The following DHX38 variants were observed in gnomAD, a reference collection of about 807,000 sequenced individuals.
The protein encoded by DHX38 is pre-mRNA-splicing factor ATP-dependent RNA helicase PRP16.
Under a neutral mutation model 153.1 loss-of-function variants are expected in DHX38, and 100 were observed. That is an observed-to-expected ratio of 0.65 (90% CI 0.56 to 0.77). The LOEUF (loss-of-function observed/expected upper bound fraction) is 0.77, where lower values mean the gene tolerates loss of function less well. Among genes scored for constraint, DHX38 ranks in the 30% least tolerant of loss-of-function variants. The probability of loss-of-function intolerance (pLI) is 0.00; values close to 1 mark genes in which losing one functional copy is unlikely to be tolerated. For synonymous variants in DHX38, 650 were observed against 631.7 expected (o/e 1.03, Z -0.43); for missense variants, 1,440 against 1,654.0 (o/e 0.87, Z 2.24).
rs1300221457 is a variant in DHX38, at chr16:72,099,214, G to A, written c.894G>A (p.Glu298=). ...CCTGTGCTCCTCCAGGAAGACGTGA[G>A]GAGGGCGAAGAAGGAATTTCATTTG... ...PRLSRGRGRR[E]EGEEGISFDT... Residue 298 remains glutamate, a synonymous_variant, in exon 7 of 27, where the codon GAG becomes GAA. Transcript: ENST00000268482. The A allele has an allele frequency of 6.2e-7, 1 of 1,611,750 alleles. No individual in the cohort carries two copies. The highest frequency in any genetic ancestry group is 1.7e-5 in the Admixed American group (1 of 59,870).
Position 72,108,926 on chromosome 16 carries a change from G to T in DHX38, c.3381+1G>T. On this transcript the variant is annotated splice_donor_variant, in intron 24 of 26. Coordinates refer to ENST00000268482, the MANE Select transcript of DHX38 (RefSeq NM_014003.4). LOFTEE classifies it high-confidence loss of function. ...TCACGAGTTGGTCATGACCACCAAG[G>T]TGAGTCTTTTCCAAGGCACTTGCAT... The T allele has an allele frequency of 6.3e-7, 1 of 1,598,170 alleles. No individual in the cohort carries two copies. The highest frequency in any genetic ancestry group is 8.5e-7 in the Non-Finnish European group (1 of 1,172,196).
chr16:72,112,160 T>A (rs1056956759), intron 26 of DHX38: 15 of 524,682 alleles, frequency 2.9e-5, no homozygotes, highest in Non-Finnish European at 4.1e-5. Context: ...CTTTTGTAGC[T>A]CCCCTAGGGA....
chr16:72,109,920 T>C (rs1311026084), intron 25 of DHX38, among the ~76,000 whole-genome samples: 4 of 152,218 alleles, frequency 2.6e-5, no homozygotes, highest in African/African-American at 9.6e-5. Flanking sequence ...TACTTGAGTA[T>C]GTGTCTCTGA....
At chr16:72,105,654 G>A (rs1216521452) in intron 18 of DHX38, 30 bp downstream of exon 18, 7 of 1,609,364 alleles carry the variant, frequency 4.3e-6, no homozygotes, top group Non-Finnish European at 6.0e-6. Flanking sequence ...GCAAGGCCTG[G>A]GTGTTCACCA....
At position 72,111,075 on chromosome 16, in the gene DHX38, C is replaced by T. The variant is rs1284755593; in HGVS notation, c.3597C>T (p.Val1199=). 3.8e-6 allele frequency: 6 copies of T among 1,560,144 alleles called. No individual in the cohort carries two copies. The highest frequency in any genetic ancestry group is 5.2e-6 in the Non-Finnish European group (6 of 1,152,642). ...EQEKRSPLGS[V]RSTKIYTPGR... ...AGAAGCGCAGCCCCCTGGGCAGTGTCAGGTGAGCTCCGGCCTTCGGGCTCT... is the reference window on the plus strand; with the variant it reads ...AGAAGCGCAGCCCCCTGGGCAGTGTTAGGTGAGCTCCGGCCTTCGGGCTCT... The change falls in exon 26 of 27, where the codon GTC becomes GTT. Residue 1199 remains valine, a splice_region_variant and synonymous_variant. Transcript: ENST00000268482.
At position 72,105,278 on chromosome 16, in the gene DHX38, C is replaced by T. The variant is rs755907524; in HGVS notation, c.2309C>T (p.Ala770Val). 7.4e-6 allele frequency: 12 copies of T among 1,614,054 alleles called. No individual in the cohort carries two copies. The highest frequency in any genetic ancestry group is 6.7e-5 in the African/African-American group (5 of 74,922). The change falls in exon 17 of 27, where the codon GCG (alanine) becomes GTG (valine). Residue 770 changes from alanine to valine, a missense_variant. Transcript: ENST00000268482. ...IVEHLEELEN[A>V]PALAVLPIYS... ...GAGCATCTGGAGGAACTGGAGAACG[C>T]GCCTGCCCTGGCTGTGCTGCCCATC...
rs566795330 is a variant in DHX38, at chr16:72,110,576, G to A, written c.3478-380G>A. Reference sequence around the variant, plus strand: ...GCTGGGCTTTGGCTTACCCCTTTTCGTAGCATAATTCTCCCCATACCAGGC... The same window carrying A: ...GCTGGGCTTTGGCTTACCCCTTTTCATAGCATAATTCTCCCCATACCAGGC... On this transcript the variant is annotated intron_variant, in intron 25 of 26. Coordinates refer to ENST00000268482, the MANE Select transcript of DHX38 (RefSeq NM_014003.4). Among the ~76,000 whole-genome samples, 4 of 152,252 alleles carry A rather than the reference G, an allele frequency of 2.6e-5. No homozygotes were observed. The South Asian group carries it at 6.2e-4, about 24-fold the overall frequency.
intron 22 of DHX38, 44 bp downstream of exon 22, chr16:72,108,426 G>C: frequency 6.2e-7 from 1 of 1,613,628 alleles, no homozygotes; most frequent in Non-Finnish European, 8.5e-7. Context: ...GGGGAGGGTC[G>C]AGAGGAAAGG....
At chr16:72,096,696 A>C (rs771333156) in intron 2 of DHX38, 126 bp from the exon 3 acceptor site, 75 of 1,489,620 alleles carry the variant, frequency 5.0e-5, no homozygotes, top group Non-Finnish European at 6.5e-5. Context: ...TTGTTGCCAT[A>C]TGTGAGCCTG....
chr16:72,100,350 G>C, intron 8 of DHX38, 86 bp from the exon 9 acceptor site: 4 of 1,515,120 alleles, frequency 2.6e-6, no homozygotes, highest in Non-Finnish European at 3.6e-6. Flanking sequence ...CTTCTGTCAG[G>C]ACTTGATGTG....
At position 72,109,558 on chromosome 16, in the gene DHX38, G is replaced by A. The variant is rs149250357; in HGVS notation, c.3477+48G>A. The A allele has an allele frequency of 1.0e-4, 157 of 1,561,392 alleles. No homozygotes were observed. The African/African-American group carries it at 1.5e-3, about 15-fold the overall frequency. On this transcript the variant is annotated intron_variant, in intron 25 of 26. Transcript: ENST00000268482. ...AGGGGTGCTGTTTGCCTGTGGGGTCGGTGTTCCCTCCGCTTGGTATTGAAG... is the reference window on the plus strand; with the variant it reads ...AGGGGTGCTGTTTGCCTGTGGGGTCAGTGTTCCCTCCGCTTGGTATTGAAG...
Position 72,112,469 on chromosome 16 carries a change from G to A in DHX38, c.3656G>A (p.Arg1219His), listed in dbSNP as rs577985660. Residue 1219 changes from arginine (R) to histidine (H), a missense_variant, in exon 27 of 27, where the codon CGC (arginine) becomes CAC (histidine). By Grantham distance (29) the Arg-to-His change is conservative. This residue lies in a region of DHX38 where 75 missense variants were observed against 69.5 expected (regional missense o/e 1.08). Coordinates refer to ENST00000268482, the MANE Select transcript of DHX38 (RefSeq NM_014003.4). ...RKEQGEPMTPRRTPARFGL is the reference protein window; with the variant it reads ...RKEQGEPMTPHRTPARFGL ...GAGCAAGGGGAGCCCATGACCCCTC[G>A]CCGCACGCCAGCCCGCTTTGGTCTG... 6.8e-6 allele frequency: 11 copies of A among 1,612,106 alleles called. No individual in the cohort carries two copies. The highest frequency in any genetic ancestry group is 1.7e-5 in the Admixed American group (1 of 60,030).
At chr16:72,100,029 A>G in intron 8 of DHX38, 142 bp downstream of exon 8, 2 of 1,168,898 alleles carry the variant, frequency 1.7e-6, no homozygotes, top group Non-Finnish European at 2.4e-6. Flanking sequence ...GTGGAAGAGG[A>G]GTGGGTGATG....
At chr16:72,095,562 CTG>C (rs1268119178) in intron 1 of DHX38, among the ~76,000 whole-genome samples, 2 of 152,164 alleles carry the variant, frequency 1.3e-5, no homozygotes, top group Non-Finnish European at 2.9e-5. Flanking sequence ...TTTATGTTAA[CTG>C]TTATGGTTAC....
At chr16:72,110,295 A>G (rs886489383) in intron 25 of DHX38, among the ~76,000 whole-genome samples, 2 of 152,242 alleles carry the variant, frequency 1.3e-5, no homozygotes, top group Non-Finnish European at 2.9e-5. Context: ...CGATGAGTCC[A>G]ACCGCTCAAT....
At position 72,105,116 on chromosome 16, in the gene DHX38, G is replaced by C; in HGVS notation, c.2241G>C (p.Met747Ile). 6.2e-7 allele frequency: 1 copy of C among 1,614,220 alleles called. No individual in the cohort carries two copies. ...CCCCTGGAGACATCCTTATCTTCAT[G>C]CCTGGCCAAGAGGACATTGAGGTGC... ...SGAPGDILIFMPGQEDIEVTS... is the reference protein window; with the variant it reads ...SGAPGDILIFIPGQEDIEVTS... The change falls in exon 16 of 27, where the codon ATG becomes ATC. Residue 747 changes from methionine to isoleucine, a missense_variant. Met to Ile is a conservative substitution (Grantham distance 10). This residue lies in a region of DHX38 where 543 missense variants were observed against 717.9 expected (regional missense o/e 0.76). Transcript: ENST00000268482.
chr16:72,094,639 T>C (rs1025735500), intron 1 of DHX38, among the ~76,000 whole-genome samples: 1 of 152,238 alleles, frequency 6.6e-6, no homozygotes, highest in African/African-American at 2.4e-5. Flanking sequence ...TAGCTCCTTA[T>C]TTGTTCGTCT....
chr16:72,107,641 C>T lies in DHX38; in HGVS notation c.2810-4C>T, dbSNP rs780066212. On this transcript the variant is annotated splice_polypyrimidine_tract_variant and splice_region_variant and intron_variant, in intron 20 of 26. Coordinates refer to ENST00000268482, the MANE Select transcript of DHX38 (RefSeq NM_014003.4). The surrounding 1 kb of genome is among the most constrained non-coding windows in gnomAD (Gnocchi z 5.3). ...AAATATCCGGGTTTGCTCATCTCTC[C>T]TAGGTGGTCTGACCTCTACCGGGCG... The T allele has an allele frequency of 6.2e-7, 1 of 1,614,104 alleles. No individual in the cohort carries two copies. The highest frequency in any genetic ancestry group is 1.1e-5 in the South Asian group (1 of 91,076).
intron 11 of DHX38, among the ~76,000 whole-genome samples, chr16:72,102,570 G>A (rs1292316437): frequency 6.6e-6 from 1 of 152,202 alleles, no homozygotes; most frequent in Non-Finnish European, 1.5e-5. Context: ...TGTTTTCACA[G>A]TTCTTTGAAA....
Sources: allele counts gnomAD v4.1 joint callset (sites outside exome capture counted in the v4.1 genomes callset), GRCh38; gene constraint gnomAD v4.1.1; regional missense constraint gnomAD v4.1.1; non-coding constraint Gnocchi (gnomAD v3.1); transcripts MANE v1.5; gene names NCBI Gene and HGNC (gene_info 2026-07-23, HGNC 2026-07-21).